The following RUNX1 variants were observed in gnomAD, a reference collection of about 807,000 sequenced individuals.
RUNX1 encodes the protein RUNX family transcription factor 1.
Under a neutral mutation model 42.8 loss-of-function variants are expected in RUNX1, and 19 were observed. The observed-to-expected ratio is 0.44, with a 90% CI of 0.31 to 0.65. The LOEUF (loss-of-function observed/expected upper bound fraction) is 0.65. Among genes scored for constraint, RUNX1 ranks in the 30% least tolerant of loss-of-function variants. The pLI is 0.07. For missense variants in RUNX1, 528 were observed against 672.0 expected (o/e 0.79, Z 2.37); for synonymous variants, 271 against 289.4 (o/e 0.94, Z 0.64).
chr21:35,004,854 C>T (rs2059072469), intron 2 of RUNX1, among the ~76,000 whole-genome samples: 1 of 152,168 alleles, frequency 6.6e-6, no homozygotes, highest in African/African-American at 2.4e-5. Flanking sequence ...TGGCCCTGGA[C>T]CACAAACCAG....
chr21:34,990,510 G>A (rs142627845), intron 2 of RUNX1, among the ~76,000 whole-genome samples: 36 of 152,290 alleles, frequency 2.4e-4, no homozygotes, highest in Non-Finnish European at 3.8e-4. Flanking sequence ...GTGGATCAGA[G>A]GGAGGGTTTT....
At chr21:34,918,060 G>A (rs530410362) in intron 2 of RUNX1, among the ~76,000 whole-genome samples, 6 of 149,796 alleles carry the variant, frequency 4.0e-5, no homozygotes, top group East Asian at 2.0e-4. Flanking sequence ...TCCGGGAGGC[G>A]GAGATTGCAG....
chr21:34,820,258 G>C (rs775938124), intron 7 of RUNX1, among the ~76,000 whole-genome samples: 4 of 152,070 alleles, frequency 2.6e-5, no homozygotes, highest in Non-Finnish European at 4.4e-5. Context: ...TGAGTAGAAT[G>C]GGCGTGGCTT....
intron 2 of RUNX1, among the ~76,000 whole-genome samples, chr21:35,045,779 A>G (rs1005637813): frequency 1.3e-5 from 2 of 152,210 alleles, no homozygotes; most frequent in African/African-American, 4.8e-5. Context: ...CGATGCTTAG[A>G]GAAGAACATA....
chr21:34,971,802 C>T (rs189761479), intron 2 of RUNX1, among the ~76,000 whole-genome samples: 94 of 152,246 alleles, frequency 6.2e-4, no homozygotes, highest in Middle Eastern at 6.8e-3. Flanking sequence ...AACAATCAAA[C>T]CTCAAGCACC....
chr21:35,036,199 T>C (rs1385727017), intron 2 of RUNX1, among the ~76,000 whole-genome samples: 2 of 152,238 alleles, frequency 1.3e-5, no homozygotes, highest in African/African-American at 2.4e-5. Flanking sequence ...GTTTATAGCA[T>C]GAAATTTTTA....
chr21:34,877,352 G>A (rs2057829078), intron 5 of RUNX1, among the ~76,000 whole-genome samples: 1 of 152,140 alleles, frequency 6.6e-6, no homozygotes. Flanking sequence ...GTGTCATGGA[G>A]TCCCAGTCCA....
rs2058005645 is a variant in RUNX1 at position 34,887,078 on chromosome 21, C to T, written c.116G>A (p.Arg39His). 6.3e-7 allele frequency: 1 copy of T among 1,598,464 alleles called. No homozygotes were observed. Among genetic ancestry groups the T allele is most frequent in the East Asian group, 2.2e-5 (1 of 44,852 alleles). Residue 39 changes from arginine (R) to histidine (H), a missense_variant, in exon 4 of 9, where the codon CGC (arginine) becomes CAC (histidine). Physicochemically the swap from Arg to His is conservative, Grantham distance 29. Around this residue, in one of 3 missense-constraint regions of RUNX1, gnomAD observed 114 missense variants for 115.0 expected, o/e 0.99. Coordinates refer to ENST00000675419, the MANE Select transcript of RUNX1 (RefSeq NM_001754.5). ...RDVHDASTSR[R>H]FTPPSTALSP... is the part of the protein sequence containing the mutation. ...CAGCGCGGTGGAAGGCGGCGTGAAGCGGCGGCTCGTGCTGGCATCTACGGG... is the reference window on the plus strand; with the variant it reads ...CAGCGCGGTGGAAGGCGGCGTGAAGTGGCGGCTCGTGCTGGCATCTACGGG...
intron 2 of RUNX1, among the ~76,000 whole-genome samples, chr21:34,930,239 T>TATACATGTATATATATTATATATAAATG (rs1299650215): frequency 7.7e-6 from 1 of 130,638 alleles, no homozygotes; most frequent in African/African-American, 3.6e-5. Flanking sequence ...TATATACATA[T>TATACATGTATATATATTATATATAAATG]TATATATGTA....
rs1253475190 is a variant in RUNX1, at chr21:34,977,228, A to G, written c.58+71614T>C. 2.0e-5 allele frequency among the ~76,000 whole-genome samples: 3 copies of G among 152,360 alleles called. No homozygotes were observed. The East Asian group carries it at 5.8e-4, about 29-fold the overall frequency. On this transcript the variant is annotated intron_variant, in intron 2 of 8. Transcript: ENST00000675419. ...AATTTGAAAAATAAGAGTAGTCTAC[A>G]CGGTGTTGAATTCCCCACTGTACCC... is the stretch of plus-strand genomic sequence containing the variant.
intron 8 of RUNX1, chr21:34,798,086 C>T (rs1180495212): frequency 2.2e-6 from 1 of 456,542 alleles, no homozygotes; most frequent in Non-Finnish European, 4.4e-6. Context: ...GAAGTAATCA[C>T]AACTGTCTGG....
In RUNX1 at chr21:34,794,265, G is replaced by A. The variant is rs549262230; in HGVS notation, c.968-1655C>T. 2.3e-3 allele frequency among the ~76,000 whole-genome samples: 351 copies of A among 151,974 alleles called. 1 individual carries two copies. Among genetic ancestry groups the A allele is most frequent in the Non-Finnish European group, 2.8e-3 (190 of 67,978 alleles). On this transcript the variant is annotated intron_variant, in intron 8 of 8. Coordinates refer to ENST00000675419, the MANE Select transcript of RUNX1 (RefSeq NM_001754.5). ...ATGATAGAAAATTGCCATTTTTATA[G>A]GCCTTCGACAGTTGAAAAATTGATA...
chr21:34,962,812 G>A (rs944187339), intron 2 of RUNX1, among the ~76,000 whole-genome samples: 1 of 152,226 alleles, frequency 6.6e-6, no homozygotes, highest in Admixed American at 6.5e-5. Context: ...GACCCACAGT[G>A]CTCACTTTCC....
At position 34,843,103 on chromosome 21, in the gene RUNX1, T is replaced by C. The variant is rs571556463; in HGVS notation, c.614-8502A>G. On this transcript the variant is annotated intron_variant, in intron 6 of 8. Transcript: ENST00000675419. The surrounding 1 kb of genome is among the most constrained non-coding windows in gnomAD (Gnocchi z 4.8). The stretch of plus-strand genomic sequence containing the variant: ...AAACAAAACAAAATATAGATACACA[T>C]GGACACACATGTATAAACACACATA... Among the ~76,000 whole-genome samples, 22 of 151,856 alleles carry C rather than the reference T, an allele frequency of 1.4e-4. No individual in the cohort carries two copies. The highest frequency in any genetic ancestry group is 5.3e-4 in the African/African-American group (22 of 41,402).
intron 2 of RUNX1, among the ~76,000 whole-genome samples, chr21:35,023,287 T>C (rs189834569): frequency 1.3e-5 from 2 of 152,322 alleles, no homozygotes; most frequent in Admixed American, 1.3e-4. Flanking sequence ...TTGCATGATG[T>C]CTTTGTTTAA....
intron 2 of RUNX1, among the ~76,000 whole-genome samples, chr21:35,044,459 A>T (rs2059382260): frequency 6.6e-6 from 1 of 152,224 alleles, no homozygotes. Flanking sequence ...ACACAGATTA[A>T]TTCGGTCCAC....
chr21:34,891,204 G>T (rs2058077540), intron 3 of RUNX1, among the ~76,000 whole-genome samples: 1 of 152,226 alleles, frequency 6.6e-6, no homozygotes, highest in African/African-American at 2.4e-5. Context: ...AGCCTTGCAT[G>T]CACCGAGTTT....
At chr21:35,029,017 C>G (rs143232314) in intron 2 of RUNX1, among the ~76,000 whole-genome samples, 62 of 152,226 alleles carry the variant, frequency 4.1e-4, no homozygotes, top group African/African-American at 1.4e-3. Context: ...TAATTTTCCA[C>G]TTGAAATCAA....
At chr21:34,872,817 C>T (rs1434183659) in intron 5 of RUNX1, among the ~76,000 whole-genome samples, 1 of 152,066 alleles carries the variant, frequency 6.6e-6, no homozygotes, top group Non-Finnish European at 1.5e-5. Context: ...ACCGGCACTC[C>T]CCAACCCAAT....
Sources: gnomAD v4.1 joint callset for allele counts (sites outside exome capture counted in the v4.1 genomes callset) on GRCh38, gnomAD v4.1.1 for gene constraint, gnomAD v4.1.1 regional missense constraint, Gnocchi (gnomAD v3.1) non-coding constraint, MANE v1.5 for transcripts, NCBI Gene and HGNC (gene_info 2026-07-23, HGNC 2026-07-21) for gene names.